The following MARCHF7 variants were observed in gnomAD, a reference collection of about 807,000 sequenced individuals.
The protein encoded by MARCHF7 is membrane associated ring-CH-type finger 7.
In MARCHF7, 20 loss-of-function variants were observed where a neutral mutation model predicts 76.5. The ratio of observed to expected loss-of-function variants is 0.26; its 90% CI spans 0.18 to 0.38. The LOEUF (loss-of-function observed/expected upper bound fraction) is 0.38. MARCHF7 is among the 10% of genes least tolerant of loss of function. The pLI is 1.00. For synonymous variants in MARCHF7, 295 were observed against 293.0 expected, an observed-to-expected ratio of 1.01 and a Z score of -0.07; for missense variants, 797 against 812.9, an observed-to-expected ratio of 0.98 and a Z score of 0.24.
At chr2:159,764,891 C>G (rs1373629608) in intron 11 of MARCHF7, among the ~76,000 whole-genome samples, 2 of 140,320 alleles carry the variant, frequency 1.4e-5, no homozygotes, top group African/African-American at 2.7e-5. Context: ...GTAATTTTAA[C>G]TGCATTTTAC....
intron 8 of MARCHF7, among the ~76,000 whole-genome samples, chr2:159,756,099 A>G (rs72996649): frequency 6.6e-6 from 1 of 152,154 alleles, no homozygotes; most frequent in African/African-American, 2.4e-5. Flanking sequence ...GAGAGATTAC[A>G]TGTAAAGTGC....
intron 3 of MARCHF7, among the ~76,000 whole-genome samples, chr2:159,723,776 A>C (rs1701882181): frequency 6.6e-6 from 1 of 152,178 alleles, no homozygotes; most frequent in Non-Finnish European, 1.5e-5. Context: ...AAGTTTTTCC[A>C]AGTTAAAAAA....
intron 4 of MARCHF7, among the ~76,000 whole-genome samples, chr2:159,732,564 G>A (rs1012196583): frequency 3.3e-5 from 5 of 152,192 alleles, no homozygotes; most frequent in African/African-American, 9.7e-5. Flanking sequence ...CCAGCTTGTA[G>A]TGTAGTTGAG....
At chr2:159,751,594 T>C (rs1243872322) in intron 7 of MARCHF7, among the ~76,000 whole-genome samples, 1 of 152,224 alleles carries the variant, frequency 6.6e-6, no homozygotes, top group Non-Finnish European at 1.5e-5. Flanking sequence ...TAGGAATCCA[T>C]GTATTCCAGG....
intron 7 of MARCHF7, among the ~76,000 whole-genome samples, chr2:159,750,966 T>C (rs973183089): frequency 2.0e-5 from 3 of 152,256 alleles, no homozygotes; most frequent in African/African-American, 7.2e-5. Flanking sequence ...GCTACCATAC[T>C]CCTATTTTTC....
intron 6 of MARCHF7, 36 bp downstream of exon 6, chr2:159,745,973 A>G (rs1164416527): frequency 1.3e-6 from 2 of 1,558,386 alleles, no homozygotes; most frequent in South Asian, 1.2e-5. Flanking sequence ...ACTTCTCATA[A>G]TGTTCCATTT....
chr2:159,736,600 T>G (rs1329590956), intron 4 of MARCHF7, among the ~76,000 whole-genome samples: 1 of 152,180 alleles, frequency 6.6e-6, no homozygotes, highest in African/African-American at 2.4e-5. Flanking sequence ...GCATTTGTGT[T>G]GGGAAAATAT....
rs761467084 is a variant in MARCHF7 at position 159,748,369 on chromosome 2, T to C, written c.1079T>C (p.Leu360Pro). Residue 360 changes from leucine (L) to proline (P), a missense_variant, in exon 7 of 12, where the codon CTT becomes CCT. Leu to Pro is a moderately conservative substitution (Grantham distance 98). Transcript: ENST00000409175. ...FLRRRWGLSS[L>P]SHNHSSESDS... ...AGGCGAAGATGGGGTTTGTCATCTC[T>C]TAGCCACAATCATAGCTCTGAGTCA... is the stretch of plus-strand genomic sequence containing the variant. 15 of 1,613,896 alleles carry C rather than the reference T, an allele frequency of 9.3e-6. No individual in the cohort carries two copies. The East Asian group carries it at 3.3e-4, about 36-fold the overall frequency.
intron 3 of MARCHF7, among the ~76,000 whole-genome samples, chr2:159,727,643 C>A (rs1451467409): frequency 2.6e-5 from 4 of 152,084 alleles, no homozygotes; most frequent in Non-Finnish European, 4.4e-5. Context: ...AGCACTGTTA[C>A]AACTCCCAAG....
At chr2:159,766,051 T>C (rs1707725630) in intron 11 of MARCHF7, among the ~76,000 whole-genome samples, 1 of 149,884 alleles carries the variant, frequency 6.7e-6, no homozygotes, top group South Asian at 2.1e-4. Context: ...TATTGTCTGC[T>C]CCTAACATGT....
At chr2:159,753,835 G>T (rs774644691) in intron 8 of MARCHF7, among the ~76,000 whole-genome samples, 1 of 152,098 alleles carries the variant, frequency 6.6e-6, no homozygotes, top group Non-Finnish European at 1.5e-5. Flanking sequence ...ATAGATTCTG[G>T]TATATTTTGT....
intron 4 of MARCHF7, among the ~76,000 whole-genome samples, chr2:159,731,734 A>G (rs1010970122): frequency 5.9e-5 from 9 of 151,880 alleles, no homozygotes; most frequent in Admixed American, 1.3e-4. Flanking sequence ...AGCCTGGGCA[A>G]TAAGAGTGAA....
chr2:159,716,453 C>T (rs1052493824), intron 3 of MARCHF7, among the ~76,000 whole-genome samples: 1 of 151,954 alleles, frequency 6.6e-6, no homozygotes, highest in African/African-American at 2.4e-5. Context: ...TCAAGACCAT[C>T]CTGGGCAACA....
intron 1 of MARCHF7, among the ~76,000 whole-genome samples, chr2:159,713,815 G>C (rs1700643432): frequency 6.6e-6 from 1 of 152,166 alleles, no homozygotes; most frequent in Admixed American, 6.5e-5. Context: ...AGTTATTTAA[G>C]TTCACGAGAT....
At chr2:159,740,141 T>C (rs890581334) in intron 4 of MARCHF7, among the ~76,000 whole-genome samples, 2 of 152,246 alleles carry the variant, frequency 1.3e-5, no homozygotes, top group African/African-American at 2.4e-5. Context: ...TAGGGACTTA[T>C]TTCTTGATAT....
At chr2:159,755,078 C>T (rs2114627) in intron 8 of MARCHF7, among the ~76,000 whole-genome samples, 2 of 152,022 alleles carry the variant, frequency 1.3e-5, no homozygotes, top group African/African-American at 2.4e-5. Context: ...TTAAGGGTAT[C>T]TATAAGGACA....
At chr2:159,735,988 A>G (rs920910888) in intron 4 of MARCHF7, among the ~76,000 whole-genome samples, 2 of 152,170 alleles carry the variant, frequency 1.3e-5, no homozygotes, top group Admixed American at 6.5e-5. Context: ...CTAACCTGAT[A>G]TGGTGGTGCA....
intron 3 of MARCHF7, among the ~76,000 whole-genome samples, chr2:159,718,989 G>T (rs1701329384): frequency 6.6e-6 from 1 of 151,962 alleles, no homozygotes; most frequent in Non-Finnish European, 1.5e-5. Context: ...ACTTCTAATT[G>T]CTTATTATTA....
chr2:159,770,836 C>T lies in MARCHF7; in HGVS notation c.*3494C>T, dbSNP rs1320399545. 6.6e-6 allele frequency: 1 copy of T among 152,076 alleles called. No homozygotes were observed. The highest frequency in any genetic ancestry group is 2.4e-5 in the African/African-American group (1 of 41,434). 9.4% of individuals were successfully genotyped at this position (152,076 alleles called of 1,614,324 possible). ...TTCCCTAACTATGCATTTCTTAGAA[C>T]GTATCCCCATTGATAAGTGATACGT... On this transcript the variant is annotated 3_prime_UTR_variant, in exon 12 of 12. Transcript: ENST00000409175.
Sources: gnomAD v4.1 joint callset for allele counts (sites outside exome capture counted in the v4.1 genomes callset) on GRCh38, gnomAD v4.1.1 for gene constraint, MANE v1.5 for transcripts, NCBI Gene and HGNC (gene_info 2026-07-23, HGNC 2026-07-21) for gene names.